Variants in SV2C observed in about 807,000 individuals in gnomAD.
SV2C encodes the protein synaptic vesicle glycoprotein 2C.
SV2C carries 49 observed loss-of-function variants against 79.7 expected under a neutral mutation model. The ratio of observed to expected loss-of-function variants is 0.61; its 90% confidence interval spans 0.49 to 0.78. SV2C has a LOEUF of 0.78. Among genes scored for constraint, SV2C ranks in the 30% least tolerant of loss-of-function variants. The pLI is 0.00. For synonymous variants in SV2C, 334 were observed against 333.2 expected (o/e 1.00, Z -0.03); for missense variants, 833 against 912.9 (o/e 0.91, Z 1.13).
chr5:76,047,681 T>C, the SV2C span, among the ~76,000 whole-genome samples: 1 of 151,992 alleles, frequency 6.6e-6, no homozygotes, highest in Non-Finnish European at 1.5e-5. Context: ...GAAAACAAGG[T>C]CTAGATAGAA....
At chr5:76,065,659 A>G in the SV2C span, among the ~76,000 whole-genome samples, 2 of 152,112 alleles carry the variant, frequency 1.3e-5, no homozygotes, top group African/African-American at 2.4e-5. Context: ...CTACACATCA[A>G]TTTTTACACT....
the SV2C span, among the ~76,000 whole-genome samples, chr5:75,974,635 C>T: frequency 7.3e-5 from 11 of 151,414 alleles, 1 homozygote; most frequent in African/African-American, 2.7e-4. Context: ...TGGTCTCACG[C>T]CTCCTATAAC....
chr5:76,304,786 C>T lies in SV2C; in HGVS notation c.2000+3241C>T, dbSNP rs568927320. On this transcript the variant is annotated intron_variant, in intron 12 of 12. Coordinates refer to ENST00000502798, the MANE Select transcript of SV2C (RefSeq NM_014979.4). ...CTTTTATGAGGGCCTTAATCCCATT[C>T]ACCAGGGAGAAGCCCTCATGACCTA... 2.4e-3 allele frequency among the ~76,000 whole-genome samples: 370 copies of T among 152,312 alleles called. 3 individuals carry two copies. The highest frequency in any genetic ancestry group is 8.5e-3 in the African/African-American group (353 of 41,572).
chr5:76,256,099 G>A (rs568668883), intron 4 of SV2C, among the ~76,000 whole-genome samples: 1 of 152,270 alleles, frequency 6.6e-6, no homozygotes, highest in East Asian at 1.9e-4. Context: ...TGACCCTTGG[G>A]TTCTTAAGAC....
chr5:76,209,752 C>T lies in SV2C; in HGVS notation c.778C>T (p.Pro260Ser). Residue 260 changes from proline to serine, a missense_variant, in exon 4 of 13, where the codon CCC becomes TCC. Coordinates refer to ENST00000502798, the MANE Select transcript of SV2C (RefSeq NM_014979.4). ...TCTTGGCAGGATTGGAGGAGCCATA[C>T]CCACTGTGTTCTCGTACTTTGCTGA... ...LSGFGIGGAI[P>S]TVFSYFAEVL... is the part of the protein sequence containing the mutation. 2 of 1,614,068 alleles carry T rather than the reference C, an allele frequency of 1.2e-6. No homozygotes were observed. The highest frequency in any genetic ancestry group is 2.2e-5 in the East Asian group (1 of 44,884).
At position 76,330,430 on chromosome 5, in the gene SV2C, C is replaced by T. The variant is rs1749142829; in HGVS notation, c.*4883C>T. 6.6e-6 allele frequency: 1 copy of T among 152,070 alleles called. No homozygotes were observed. Among genetic ancestry groups the T allele is most frequent in the Admixed American group, 6.5e-5 (1 of 15,270 alleles). The allele number at this position is 152,070 out of a possible 1,614,324, so 9.4% of individuals were successfully genotyped here. On this transcript the variant is annotated 3_prime_UTR_variant, in exon 13 of 13. Coordinates refer to ENST00000502798, the MANE Select transcript of SV2C (RefSeq NM_014979.4). ...CAGTAAATACTTATTGAGCACCTCC[C>T]ATGTGATACGTATTGAGACACTGCT...
the SV2C span, among the ~76,000 whole-genome samples, chr5:75,866,433 G>T: frequency 0.26 from 39,557 of 152,012 alleles, 7,718 homozygotes; most frequent in African/African-American, 0.55. Context: ...ATAAACCTAT[G>T]GCTGGAGCAC....
At chr5:75,944,085 A>G in the SV2C span, among the ~76,000 whole-genome samples, 1 of 152,150 alleles carries the variant, frequency 6.6e-6, no homozygotes, top group Non-Finnish European at 1.5e-5. Context: ...TGGCACTACC[A>G]TAGCTCACTA....
chr5:76,011,764 C>T, the SV2C span, among the ~76,000 whole-genome samples: 1 of 152,040 alleles, frequency 6.6e-6, no homozygotes, highest in African/African-American at 2.4e-5. Flanking sequence ...TGTCCTAGCA[C>T]CCCACCTCAC....
the SV2C span, among the ~76,000 whole-genome samples, chr5:75,892,850 G>A: frequency 1.3e-5 from 2 of 152,174 alleles, no homozygotes; most frequent in African/African-American, 4.8e-5. Context: ...TTGATTCCAT[G>A]TCTTGGCTAC....
intron 4 of SV2C, among the ~76,000 whole-genome samples, chr5:76,224,518 C>T (rs1220081581): frequency 1.3e-5 from 2 of 152,166 alleles, no homozygotes; most frequent in Non-Finnish European, 2.9e-5. Context: ...TTAACTTTCA[C>T]CTGTAGGGAC....
chr5:76,008,329 G>T, the SV2C span, among the ~76,000 whole-genome samples: 2 of 152,250 alleles, frequency 1.3e-5, no homozygotes, highest in African/African-American at 4.8e-5. Flanking sequence ...ATGTTGACTT[G>T]TTAGCTCAGA....
intron 4 of SV2C, among the ~76,000 whole-genome samples, chr5:76,235,045 A>G (rs1745569312): frequency 6.6e-6 from 1 of 152,220 alleles, no homozygotes; most frequent in Non-Finnish European, 1.5e-5. Context: ...AAAGCCAGCT[A>G]ACATTCCACT....
chr5:76,346,474 C>T (rs1749540667), intron 12 of SV2C, among the ~76,000 whole-genome samples: 1 of 152,158 alleles, frequency 6.6e-6, no homozygotes, highest in Admixed American at 6.5e-5. Context: ...CCTGCCTCTG[C>T]TTCCTTTGCA....
the SV2C span, among the ~76,000 whole-genome samples, chr5:76,009,451 A>C: frequency 1.3e-5 from 2 of 152,242 alleles, no homozygotes; most frequent in South Asian, 4.1e-4. Context: ...TCAAAAAGAC[A>C]CACACACTTG....
chr5:75,961,870 T>A, the SV2C span, among the ~76,000 whole-genome samples: 1 of 152,036 alleles, frequency 6.6e-6, no homozygotes, highest in African/African-American at 2.4e-5. Flanking sequence ...AACAACATTG[T>A]CAAACACATA....
At chr5:75,997,784 A>G in the SV2C span, among the ~76,000 whole-genome samples, 445 of 152,248 alleles carry the variant, frequency 2.9e-3, 3 homozygotes, top group African/African-American at 0.01. Flanking sequence ...TTAGTGTGGC[A>G]ATTCCTCAGG....
the SV2C span, among the ~76,000 whole-genome samples, chr5:75,951,293 C>T: frequency 6.6e-6 from 1 of 152,006 alleles, no homozygotes; most frequent in Non-Finnish European, 1.5e-5. Flanking sequence ...TGAGTGCAAA[C>T]ATGTCTGCGA....
At chr5:75,915,504 T>C in the SV2C span, among the ~76,000 whole-genome samples, 1 of 152,238 alleles carries the variant, frequency 6.6e-6, no homozygotes, top group South Asian at 2.1e-4. Context: ...GGAGACTTCA[T>C]TGCACTTAAA....
Sources: gnomAD v4.1 joint callset for allele counts (sites outside exome capture counted in the v4.1 genomes callset) on GRCh38, gnomAD v4.1.1 for gene constraint, MANE v1.5 for transcripts, NCBI Gene and HGNC (gene_info 2026-07-23, HGNC 2026-07-21) for gene names.